The following TMEM132C variants were observed in gnomAD, a reference collection of about 807,000 sequenced individuals.
TMEM132C encodes the protein transmembrane protein 132C, also known as protein phosphatase 1, regulatory subunit 152.
TMEM132C carries 29 observed loss-of-function variants against 61.4 expected under a neutral mutation model. The ratio of observed to expected loss-of-function variants is 0.47; its 90% CI spans 0.35 to 0.64. TMEM132C has a LOEUF of 0.64. Ranked by LOEUF, TMEM132C falls within the 30% of genes least tolerant of loss-of-function variation. The probability of loss-of-function intolerance (pLI) is 0.00; values close to 1 mark genes in which losing one functional copy is unlikely to be tolerated. For missense variants in TMEM132C, 1,408 were observed against 1,476.9 expected (o/e 0.95, Z 0.76); for synonymous variants, 656 against 633.1 (o/e 1.04, Z -0.54).
chr12:128,650,191 G>A (rs1318832683), intron 4 of TMEM132C, among the ~76,000 whole-genome samples: 1 of 152,186 alleles, frequency 6.6e-6, no homozygotes, highest in African/African-American at 2.4e-5. Flanking sequence ...AATGAGGCTT[G>A]TTTTTAATGC....
intron 3 of TMEM132C, among the ~76,000 whole-genome samples, chr12:128,597,443 AC>A (rs757845576): frequency 3.3e-5 from 5 of 151,766 alleles, no homozygotes; most frequent in Non-Finnish European, 5.9e-5. Flanking sequence ...GTGCCACTGT[AC>A]TCCAGCCTGC....
chr12:128,378,779 C>T (rs1874305473), intron 1 of TMEM132C, among the ~76,000 whole-genome samples: 1 of 152,128 alleles, frequency 6.6e-6, no homozygotes, highest in Non-Finnish European at 1.5e-5. Flanking sequence ...ACCCAAATCT[C>T]ATCTTGAATT....
chr12:128,434,313 T>G (rs7976847), intron 2 of TMEM132C, among the ~76,000 whole-genome samples: 89,795 of 151,988 alleles, frequency 0.59, 26,709 homozygotes, highest in Middle Eastern at 0.6. Flanking sequence ...TTATTTTTAT[T>G]TTTTGAGACG....
intron 3 of TMEM132C, among the ~76,000 whole-genome samples, chr12:128,596,812 G>A (rs1023776602): frequency 7.4e-5 from 11 of 148,006 alleles, no homozygotes; most frequent in Admixed American, 4.6e-4. Flanking sequence ...ACCCCACCAC[G>A]CAGGGCTCTT....
intron 2 of TMEM132C, among the ~76,000 whole-genome samples, chr12:128,496,883 A>C (rs1303285240): frequency 2.0e-5 from 3 of 152,200 alleles, no homozygotes; most frequent in African/African-American, 7.2e-5. Context: ...GAGGAGCTGC[A>C]TTCTTTTGGA....
At chr12:128,679,731 C>T (rs943950536) in intron 5 of TMEM132C, among the ~76,000 whole-genome samples, 40 of 152,156 alleles carry the variant, frequency 2.6e-4, no homozygotes, top group Admixed American at 8.5e-4. Context: ...GAACCAACTG[C>T]GCCAGAACCC....
intron 2 of TMEM132C, among the ~76,000 whole-genome samples, chr12:128,469,958 G>T (rs1593064779): frequency 6.6e-6 from 1 of 152,034 alleles, no homozygotes; most frequent in African/African-American, 2.4e-5. Context: ...TATCTGAAAT[G>T]CAGTTTCTGA....
chr12:128,706,077 A>G lies in TMEM132C; in HGVS notation c.3109A>G (p.Arg1037Gly). 1 of 1,551,688 alleles carries G rather than the reference A, an allele frequency of 6.4e-7. No individual in the cohort carries two copies. Among genetic ancestry groups the G allele is most frequent in the Non-Finnish European group, 8.7e-7 (1 of 1,146,948 alleles). ...RSADSGGRQG[R>G]EQKQDPLHSP... ...AGCCGACTCCGGGGGGCGGCAGGGCAGAGAACAGAAGCAGGACCCCCTGCA... is the reference window on the plus strand; with the variant it reads ...AGCCGACTCCGGGGGGCGGCAGGGCGGAGAACAGAAGCAGGACCCCCTGCA... Residue 1037 changes from arginine (R) to glycine (G), a missense_variant, in exon 9 of 9, where the codon AGA becomes GGA. By Grantham distance (125) the Arg-to-Gly change is moderately radical. Coordinates refer to ENST00000435159, the MANE Select transcript of TMEM132C (RefSeq NM_001136103.3).
chr12:128,670,062 C>T (rs1338536479), intron 5 of TMEM132C, among the ~76,000 whole-genome samples: 2 of 152,154 alleles, frequency 1.3e-5, no homozygotes, highest in Non-Finnish European at 2.9e-5. Context: ...TATATTATTA[C>T]ACTTTAGGAG....
At chr12:128,591,863 C>G (rs752830549) in intron 3 of TMEM132C, among the ~76,000 whole-genome samples, 4 of 151,880 alleles carry the variant, frequency 2.6e-5, no homozygotes, top group Non-Finnish European at 4.4e-5. Flanking sequence ...ACCAGCCTGG[C>G]CAATGTGATG....
chr12:128,462,393 A>G (rs992515507), intron 2 of TMEM132C, among the ~76,000 whole-genome samples: 3 of 152,132 alleles, frequency 2.0e-5, no homozygotes, highest in Admixed American at 1.3e-4. Flanking sequence ...TCCAACAGGG[A>G]GACAGTGGAG....
chr12:128,381,636 G>T (rs1009083049), intron 1 of TMEM132C, among the ~76,000 whole-genome samples: 2 of 152,204 alleles, frequency 1.3e-5, no homozygotes, highest in African/African-American at 4.8e-5. Context: ...TCGCTGCTCT[G>T]AAGATGCCAT....
intron 1 of TMEM132C, among the ~76,000 whole-genome samples, chr12:128,276,891 C>T (rs1870709839): frequency 2.3e-5 from 2 of 87,668 alleles, no homozygotes; most frequent in South Asian, 3.6e-4. Context: ...CATGTGCGTG[C>T]ATGCACACAC....
chr12:128,485,764 G>A (rs1453094681), intron 2 of TMEM132C, among the ~76,000 whole-genome samples: 1 of 152,174 alleles, frequency 6.6e-6, no homozygotes, highest in Admixed American at 6.5e-5. Flanking sequence ...CTAAGATGAT[G>A]CGTTAAGCGG....
At chr12:128,601,938 TCA>T (rs1876209478) in intron 3 of TMEM132C, among the ~76,000 whole-genome samples, 1 of 152,106 alleles carries the variant, frequency 6.6e-6, no homozygotes, top group Admixed American at 6.5e-5. Flanking sequence ...TTCCTGATAT[TCA>T]CAGTTTTCTT....
intron 2 of TMEM132C, among the ~76,000 whole-genome samples, chr12:128,460,856 G>A (rs182528455): frequency 6.6e-6 from 1 of 152,190 alleles, no homozygotes; most frequent in African/African-American, 2.4e-5. Context: ...GCTGGGTGGG[G>A]GGAATGCTTG....
At chr12:128,420,631 A>T (rs1432379877) in intron 2 of TMEM132C, among the ~76,000 whole-genome samples, 1 of 152,170 alleles carries the variant, frequency 6.6e-6, no homozygotes, top group African/African-American at 2.4e-5. Context: ...TAGGTGAGAG[A>T]AGACAGGGAC....
Position 128,605,130 on chromosome 12 carries a change from G to GATAGATAC in TMEM132C, c.1122-10998_1122-10991dup, listed in dbSNP as rs573929406. Among the ~76,000 whole-genome samples the GATAGATAC allele has an allele frequency of 4.2e-3, 633 of 149,740 alleles. 4 individuals are homozygous for GATAGATAC. The highest frequency in any genetic ancestry group is 0.013 in the African/African-American group (495 of 39,246). ...CAGATAAATGATAGATAGATAGATA[G>GATAGATAC]ATAGATACATAGATACATAGATACA... On this transcript the variant is annotated intron_variant, in intron 3 of 8. Coordinates refer to ENST00000435159, the MANE Select transcript of TMEM132C (RefSeq NM_001136103.3).
At chr12:128,611,365 AT>A (rs1447216384) in intron 3 of TMEM132C, among the ~76,000 whole-genome samples, 7 of 149,584 alleles carry the variant, frequency 4.7e-5, no homozygotes, top group Admixed American at 4.6e-4. Flanking sequence ...TTATTGTTTC[AT>A]TTCTTCTTTT....
Sources: allele counts gnomAD v4.1 joint callset (sites outside exome capture counted in the v4.1 genomes callset), GRCh38; gene constraint gnomAD v4.1.1; transcripts MANE v1.5; gene names NCBI Gene and HGNC (gene_info 2026-07-23, HGNC 2026-07-21).